Variants in BIRC6 observed in about 807,000 individuals in gnomAD.
BIRC6 encodes baculoviral IAP repeat containing 6.
A neutral mutation model predicts 503.3 loss-of-function variants in BIRC6; 98 were observed. The observed-to-expected ratio is 0.19, with a 90% CI of 0.17 to 0.23. The LOEUF (loss-of-function observed/expected upper bound fraction) is 0.23. Among genes scored for constraint, BIRC6 ranks in the 10% least tolerant of loss-of-function variants. The pLI is 1.00. For missense variants in BIRC6, 5,360 were observed against 5,806.0 expected, an observed-to-expected ratio of 0.92 and a Z score of 2.50; for synonymous variants, 2,240 against 2,078.7, an observed-to-expected ratio of 1.08 and a Z score of -2.11.
intron 51 of BIRC6, 56 bp from the exon 52 acceptor site, chr2:32,509,682 C>T: frequency 6.3e-7 from 1 of 1,595,736 alleles, no homozygotes; most frequent in Non-Finnish European, 8.6e-7. Flanking sequence ...TTATGTTCTA[C>T]CCCGAAGTGA....
chr2:32,401,642 G>A lies in BIRC6; in HGVS notation c.1418+19G>A, dbSNP rs2040604325. 3 of 1,599,286 alleles carry A rather than the reference G, an allele frequency of 1.9e-6. No individual in the cohort carries two copies. The highest frequency in any genetic ancestry group is 2.6e-6 in the Non-Finnish European group (3 of 1,173,346). ...GAGATAGGTATGTGAGTTTGTTTTAGTAGTATTTAATAGATGTTACATGTT... is the reference window on the plus strand; with the variant it reads ...GAGATAGGTATGTGAGTTTGTTTTAATAGTATTTAATAGATGTTACATGTT... On this transcript the variant is annotated intron_variant, in intron 8 of 73. Coordinates refer to ENST00000421745, the MANE Select transcript of BIRC6 (RefSeq NM_016252.4).
Position 32,617,888 on chromosome 2 carries a change from G to T in BIRC6, c.14558G>T (p.Ser4853Ile), listed in dbSNP as rs777278183. 22 of 1,613,114 alleles carry T rather than the reference G, an allele frequency of 1.4e-5. No homozygotes were observed. The highest frequency in any genetic ancestry group is 3.3e-5 in the Admixed American group (2 of 59,942). Reference sequence around the variant, plus strand: ...CCCAGCAGCAGCAAAGAACTCCCCAGTGACTTCCAGTTATGAGCTGCATTG... The same window carrying T: ...CCCAGCAGCAGCAAAGAACTCCCCATTGACTTCCAGTTATGAGCTGCATTG... ...VKPSSSKELP[S>I]DFQL Residue 4853 changes from serine (S) to isoleucine (I), a missense_variant, in exon 74 of 74, where the codon AGT (serine) becomes ATT (isoleucine). Ser to Ile is a moderately radical substitution (Grantham distance 142). Coordinates refer to ENST00000421745, the MANE Select transcript of BIRC6 (RefSeq NM_016252.4).
intron 8 of BIRC6, among the ~76,000 whole-genome samples, chr2:32,405,108 A>T (rs2041049279): frequency 1.3e-5 from 2 of 152,192 alleles, no homozygotes; most frequent in Admixed American, 6.5e-5. Context: ...TTAGTACAGC[A>T]GGTTAATACT....
intron 6 of BIRC6, 95 bp downstream of exon 6, chr2:32,395,688 C>CT (rs2039794623): frequency 1.9e-6 from 2 of 1,025,716 alleles, no homozygotes; most frequent in Non-Finnish European, 3.0e-6. Flanking sequence ...AATTTTTTGC[C>CT]TTTTTGCCAC....
chr2:32,460,503 C>T (rs944675838), intron 23 of BIRC6, among the ~76,000 whole-genome samples: 7 of 151,424 alleles, frequency 4.6e-5, no homozygotes, highest in African/African-American at 1.7e-4. Flanking sequence ...TCTCGAATTC[C>T]GGACCTCAGG....
intron 21 of BIRC6, among the ~76,000 whole-genome samples, chr2:32,447,490 A>T (rs1421363145): frequency 1.0e-5 from 1 of 96,192 alleles, no homozygotes; most frequent in East Asian, 3.3e-4. Context: ...TGATCCCCCC[A>T]CCTCCCTCCC....
intron 44 of BIRC6, 123 bp downstream of exon 44, chr2:32,491,681 TA>T (rs1191050939): frequency 9.4e-7 from 1 of 1,063,670 alleles, no homozygotes; most frequent in Admixed American, 2.7e-5. Flanking sequence ...ATCAATATAA[TA>T]AAAAAGGTTT....
At chr2:32,370,748 C>T (rs2035812866) in intron 1 of BIRC6, among the ~76,000 whole-genome samples, 1 of 151,956 alleles carries the variant, frequency 6.6e-6, no homozygotes, top group Non-Finnish European at 1.5e-5. Context: ...TTTTGGGTTA[C>T]AGGAGATGTT....
intron 50 of BIRC6, among the ~76,000 whole-genome samples, chr2:32,505,827 A>G (rs922085883): frequency 1.3e-5 from 2 of 152,152 alleles, no homozygotes; most frequent in Admixed American, 1.3e-4. Flanking sequence ...AACTCTTTCA[A>G]GTATTTATAA....
chr2:32,467,473 C>A, intron 26 of BIRC6, 52 bp from the exon 27 acceptor site: 3 of 1,382,586 alleles, frequency 2.2e-6, no homozygotes, highest in South Asian at 1.2e-5. Context: ...TTGAGTGTAT[C>A]ATTTGGTTAA....
intron 22 of BIRC6, among the ~76,000 whole-genome samples, chr2:32,452,145 A>G (rs941194644): frequency 3.3e-5 from 5 of 152,140 alleles, no homozygotes; most frequent in East Asian, 1.9e-4. Flanking sequence ...CCAACTACAT[A>G]TTTGTGTTGG....
intron 9 of BIRC6, among the ~76,000 whole-genome samples, chr2:32,411,763 G>T (rs929965108): frequency 7.2e-5 from 11 of 152,136 alleles, no homozygotes; most frequent in Admixed American, 2.0e-4. Context: ...ACAGGTGTGG[G>T]CCACCGCGTC....
intron 33 of BIRC6, among the ~76,000 whole-genome samples, chr2:32,474,980 C>A (rs968990236): frequency 6.6e-6 from 1 of 151,366 alleles, no homozygotes; most frequent in African/African-American, 2.4e-5. Context: ...GAGGTTGAGG[C>A]GGGTGGATCA....
intron 10 of BIRC6, among the ~76,000 whole-genome samples, chr2:32,427,354 C>T (rs996103969): frequency 1.3e-5 from 2 of 152,000 alleles, no homozygotes; most frequent in African/African-American, 4.8e-5. Context: ...GCTATCTCAG[C>T]TCACTGCAAC....
chr2:32,601,535 T>G (rs2062058101), intron 70 of BIRC6, among the ~76,000 whole-genome samples: 1 of 152,138 alleles, frequency 6.6e-6, no homozygotes, highest in South Asian at 2.1e-4. Flanking sequence ...GAGCCCAGAT[T>G]GTGCCATTGC....
intron 16 of BIRC6, 35 bp downstream of exon 16, chr2:32,439,721 G>A (rs777396118): frequency 9.5e-6 from 15 of 1,576,354 alleles, no homozygotes; most frequent in Non-Finnish European, 1.3e-5. Context: ...TAACAATACA[G>A]TTTTAAACAT....
chr2:32,529,584 A>T (rs116497749), intron 59 of BIRC6, 67 bp from the exon 60 acceptor site: 7 of 1,342,562 alleles, frequency 5.2e-6, no homozygotes, highest in Non-Finnish European at 6.0e-6. Context: ...GTAAAAGCAG[A>T]TAATAATTAA....
At chr2:32,575,069 A>C in intron 65 of BIRC6, 87 bp from the exon 66 acceptor site, 1 of 1,415,374 alleles carries the variant, frequency 7.1e-7, no homozygotes, top group Non-Finnish European at 9.9e-7. Context: ...GGACCTTGGT[A>C]AGATCCAGGT....
At chr2:32,514,881 A>C (rs1457148035) in intron 54 of BIRC6, 109 bp from the exon 55 acceptor site, 2 of 807,700 alleles carry the variant, frequency 2.5e-6, no homozygotes, top group East Asian at 5.4e-5. Context: ...TTCAATGTCA[A>C]ATAAAGTATA....
Sources: allele counts gnomAD v4.1 joint callset (sites outside exome capture counted in the v4.1 genomes callset), GRCh38; gene constraint gnomAD v4.1.1; transcripts MANE v1.5; gene names NCBI Gene and HGNC (gene_info 2026-07-23, HGNC 2026-07-21).